Variants in FBXL17 observed in about 807,000 individuals in gnomAD.
FBXL17 encodes F-box/LRR-repeat protein 17.
A neutral mutation model predicts 66.2 loss-of-function variants in FBXL17; 22 were observed. That is an observed-to-expected ratio of 0.33 (90% CI 0.24 to 0.47). FBXL17 has a LOEUF of 0.47. Ranked by LOEUF, FBXL17 falls within the 20% of genes least tolerant of loss-of-function variation. The pLI, the probability that FBXL17 is intolerant of heterozygous loss-of-function variation, is 1.00. For missense variants in FBXL17, 878 were observed against 948.2 expected, an observed-to-expected ratio of 0.93 and a Z score of 0.97; for synonymous variants, 474 against 400.5, an observed-to-expected ratio of 1.18 and a Z score of -2.19.
intron 4 of FBXL17, among the ~76,000 whole-genome samples, chr5:108,323,493 T>C (rs760124580): frequency 6.6e-6 from 1 of 151,966 alleles, no homozygotes; most frequent in Non-Finnish European, 1.5e-5. Context: ...TGAATTGGAA[T>C]ACTTAATATT....
At chr5:107,941,319 C>T (rs1396750429) in intron 7 of FBXL17, among the ~76,000 whole-genome samples, 1 of 152,164 alleles carries the variant, frequency 6.6e-6, no homozygotes, top group Non-Finnish European at 1.5e-5. Context: ...ATCATTGCAT[C>T]TTGGGCAACA....
intron 7 of FBXL17, among the ~76,000 whole-genome samples, chr5:107,909,900 CA>C (rs1749892798): frequency 6.6e-6 from 1 of 152,110 alleles, no homozygotes; most frequent in African/African-American, 2.4e-5. Flanking sequence ...CTGAGGAAGG[CA>C]AACAAATATA....
intron 6 of FBXL17, among the ~76,000 whole-genome samples, chr5:108,160,974 C>T (rs191296125): frequency 2.0e-5 from 3 of 152,030 alleles, no homozygotes; most frequent in Admixed American, 6.6e-5. Flanking sequence ...TGCTTTTGGG[C>T]CTCTGAGAAG....
intron 5 of FBXL17, among the ~76,000 whole-genome samples, chr5:108,218,260 G>A (rs565647075): frequency 2.0e-5 from 3 of 151,732 alleles, no homozygotes; most frequent in East Asian, 3.9e-4. Flanking sequence ...CGCCCACCTC[G>A]GCCTCCCAAA....
intron 6 of FBXL17, among the ~76,000 whole-genome samples, chr5:108,135,509 A>G (rs1250711849): frequency 1.3e-5 from 2 of 152,144 alleles, no homozygotes; most frequent in East Asian, 1.9e-4. Flanking sequence ...TAACATCTTA[A>G]AGTACACTTA....
intron 4 of FBXL17, among the ~76,000 whole-genome samples, chr5:108,254,984 T>C (rs1756512716): frequency 6.6e-6 from 1 of 152,158 alleles, no homozygotes. Flanking sequence ...CTGGAAATAA[T>C]TTAGTATGGC....
intron 7 of FBXL17, among the ~76,000 whole-genome samples, chr5:108,009,788 A>G (rs1416486147): frequency 6.6e-6 from 1 of 152,308 alleles, no homozygotes; most frequent in East Asian, 1.9e-4. Context: ...GTTCCATTTA[A>G]TATCTATCCT....
chr5:107,914,036 T>C (rs537817494), intron 7 of FBXL17, among the ~76,000 whole-genome samples: 64 of 151,912 alleles, frequency 4.2e-4, no homozygotes, highest in Non-Finnish European at 7.9e-4. Context: ...CAACCATGAG[T>C]TTATGGTATG....
At chr5:108,258,499 T>C (rs1756672197) in intron 4 of FBXL17, among the ~76,000 whole-genome samples, 1 of 152,110 alleles carries the variant, frequency 6.6e-6, no homozygotes, top group Non-Finnish European at 1.5e-5. Flanking sequence ...ACTCAGTTGT[T>C]GAAAAGAAAA....
chr5:108,216,329 C>G (rs568577164), intron 5 of FBXL17, among the ~76,000 whole-genome samples: 4 of 151,922 alleles, frequency 2.6e-5, no homozygotes, highest in East Asian at 1.9e-4. Context: ...ATAGTGGATG[C>G]CTTTTCATTA....
chr5:108,211,626 T>G (rs1000532335), intron 5 of FBXL17, among the ~76,000 whole-genome samples: 1 of 152,244 alleles, frequency 6.6e-6, no homozygotes, highest in Admixed American at 6.5e-5. Flanking sequence ...TTGAAAATTC[T>G]TTTCTTTAAG....
intron 4 of FBXL17, among the ~76,000 whole-genome samples, chr5:108,273,921 CTA>C (rs995129320): frequency 6.6e-6 from 1 of 151,850 alleles, no homozygotes; most frequent in African/African-American, 2.4e-5. Context: ...GTAGTAAAAA[CTA>C]TTATGTAAAA....
intron 6 of FBXL17, among the ~76,000 whole-genome samples, chr5:108,118,076 C>A (rs1164824287): frequency 6.6e-6 from 1 of 152,124 alleles, no homozygotes; most frequent in Admixed American, 6.5e-5. Context: ...TATAGTTCTA[C>A]CTCAGGATTT....
At chr5:108,371,989 C>T (rs561869097) in intron 1 of FBXL17, among the ~76,000 whole-genome samples, 8 of 152,294 alleles carry the variant, frequency 5.3e-5, no homozygotes, top group African/African-American at 1.4e-4. Flanking sequence ...GGTAAGCCTG[C>T]TCTCCAATTC....
At chr5:108,092,850 T>C (rs1185513179) in intron 6 of FBXL17, among the ~76,000 whole-genome samples, 2 of 152,208 alleles carry the variant, frequency 1.3e-5, no homozygotes, top group Admixed American at 6.5e-5. Context: ...CAGAATTTGG[T>C]TATTTTTGTT....
chr5:108,258,999 G>A (rs4364376), intron 4 of FBXL17, among the ~76,000 whole-genome samples: 24,189 of 152,032 alleles, frequency 0.16, 1,957 homozygotes, highest in Admixed American at 0.17. Context: ...ATAGATCATA[G>A]TGAAAGCAAT....
At chr5:108,364,716 C>G (rs570311491) in intron 3 of FBXL17, 22 bp downstream of exon 3, 1 of 1,573,108 alleles carries the variant, frequency 6.4e-7, no homozygotes, top group South Asian at 1.2e-5. Flanking sequence ...AGTAAAATCA[C>G]TTTATAAATG....
intron 4 of FBXL17, among the ~76,000 whole-genome samples, chr5:108,261,691 CAGGAT>C (rs149193532): frequency 0.12 from 18,343 of 151,720 alleles, 1,315 homozygotes; most frequent in Admixed American, 0.16. Flanking sequence ...TGCAAATATA[CAGGAT>C]AGAAGGGTTA....
At chr5:108,326,211 TCA>T (rs1431117564) in intron 4 of FBXL17, among the ~76,000 whole-genome samples, 1 of 151,990 alleles carries the variant, frequency 6.6e-6, no homozygotes, top group Non-Finnish European at 1.5e-5. Context: ...GAAAAAGTAA[TCA>T]CAATGCATAC....
Sources: gnomAD v4.1 joint callset for allele counts (sites outside exome capture counted in the v4.1 genomes callset) on GRCh38, gnomAD v4.1.1 for gene constraint, MANE v1.5 for transcripts, NCBI Gene and HGNC (gene_info 2026-07-23, HGNC 2026-07-21) for gene names.